The following SLC9B1 variants were observed in gnomAD, a reference collection of about 807,000 sequenced individuals.
The protein encoded by SLC9B1 is sodium/hydrogen exchanger 9B1.
In SLC9B1, 32 loss-of-function variants were observed where a neutral mutation model predicts 51.7. That is an observed-to-expected ratio of 0.62 (90% confidence interval 0.47 to 0.83). The LOEUF (loss-of-function observed/expected upper bound fraction) is 0.83. Ranked by LOEUF, SLC9B1 falls within the 40% of genes least tolerant of loss-of-function variation. The pLI is 0.00. For missense variants in SLC9B1, 406 were observed against 613.2 expected (o/e 0.66, Z 3.57); for synonymous variants, 145 against 212.7 (o/e 0.68, Z 2.77).
At chr4:102,978,465 A>C (rs948771294) in intron 3 of SLC9B1, among the ~76,000 whole-genome samples, 1 of 152,348 alleles carries the variant, frequency 6.6e-6, no homozygotes, top group East Asian at 1.9e-4. Flanking sequence ...AAACAAATTT[A>C]TAAGAAAAAA....
chr4:102,964,396 T>C (rs1288328182), intron 3 of SLC9B1, among the ~76,000 whole-genome samples: 1 of 151,876 alleles, frequency 6.6e-6, no homozygotes, highest in Non-Finnish European at 1.5e-5. Context: ...ACAAAAACTT[T>C]ATTAAGCAAA....
chr4:102,906,407 A>T (rs1735057058), intron 10 of SLC9B1, 129 bp downstream of exon 10: 5 of 512,970 alleles, frequency 9.7e-6, no homozygotes, highest in Non-Finnish European at 1.7e-5. Context: ...AAAATATGAC[A>T]CTGTATCAAC....
chr4:103,009,394 T>C (rs1246877996), intron 1 of SLC9B1, among the ~76,000 whole-genome samples: 2 of 152,216 alleles, frequency 1.3e-5, no homozygotes, highest in Non-Finnish European at 2.9e-5. Context: ...ATGATTTACT[T>C]TGTAGCCCAG....
Position 102,905,526 on chromosome 4 carries a change from T to C in SLC9B1, c.1320A>G (p.Lys440=), listed in dbSNP as rs538800740. ...AATATGTTCTTACCTGTACTGTAGC[T>C]TTGGGCATCCATGCTAAAGCAATAA... is the stretch of plus-strand genomic sequence containing the variant. ...KIFIALAWMP[K]ATVQAVLGPL... The change falls in exon 11 of 12, where the codon AAA becomes AAG. Residue 440 remains lysine, a synonymous_variant. Transcript: ENST00000296422. 8 of 1,610,922 alleles carry C rather than the reference T, an allele frequency of 5.0e-6. No individual in the cohort carries two copies. In the East Asian group the frequency reaches 1.8e-4, roughly 36 times the overall value.
At position 102,948,213 on chromosome 4, in the gene SLC9B1, G is replaced by A. The variant is rs1374994283; in HGVS notation, c.382+1044C>T. ...TTCATCGTACAATCCACTTATTCTAGTTCAGGGTCAAAGGTGACTGAAACT... is the reference window on the plus strand; with the variant it reads ...TTCATCGTACAATCCACTTATTCTAATTCAGGGTCAAAGGTGACTGAAACT... On this transcript the variant is annotated intron_variant, in intron 4 of 11. Coordinates refer to ENST00000296422, the MANE Select transcript of SLC9B1 (RefSeq NM_139173.4). Among the ~76,000 whole-genome samples the A allele has an allele frequency of 2.0e-5, 3 of 151,432 alleles. No individual in the cohort carries two copies. In the East Asian group the frequency reaches 5.8e-4, roughly 29 times the overall value.
chr4:103,002,448 C>T (rs1464952227), intron 1 of SLC9B1, among the ~76,000 whole-genome samples: 1 of 152,098 alleles, frequency 6.6e-6, no homozygotes, highest in Non-Finnish European at 1.5e-5. Flanking sequence ...TTAGAAAATG[C>T]TGTAATAACT....
rs145679513 is a variant in SLC9B1, at chr4:103,010,900, T to C, written c.-2+8699A>G. Among the ~76,000 whole-genome samples, 739 of 152,312 alleles carry C rather than the reference T, an allele frequency of 4.9e-3. 4 individuals carry two copies. Among genetic ancestry groups the C allele is most frequent in the African/African-American group, 0.017 (695 of 41,566 alleles). On this transcript the variant is annotated intron_variant, in intron 1 of 11. Coordinates refer to ENST00000296422, the MANE Select transcript of SLC9B1 (RefSeq NM_139173.4). ...CACAAACATTCAAACCATAGCATTT[T>C]GCCCCTTCCCCCACAACAAATTCAT...
intron 1 of SLC9B1, among the ~76,000 whole-genome samples, chr4:102,996,135 T>C (rs1740203158): frequency 6.6e-6 from 1 of 152,168 alleles, no homozygotes; most frequent in South Asian, 2.1e-4. Context: ...TGAATTTAAA[T>C]TGCATTTCTA....
At chr4:103,002,394 C>T (rs1255174738) in intron 1 of SLC9B1, among the ~76,000 whole-genome samples, 1 of 152,106 alleles carries the variant, frequency 6.6e-6, no homozygotes, top group Non-Finnish European at 1.5e-5. Context: ...GTATTCTGTG[C>T]AAGACACAGA....
At position 102,962,392 on chromosome 4, in the gene SLC9B1, G is replaced by A. The variant is rs553928476; in HGVS notation, c.212-12965C>T. On this transcript the variant is annotated intron_variant, in intron 3 of 11. Transcript: ENST00000296422. Reference sequence around the variant, plus strand: ...AGTGGTTTTTAAATATCTTTGAGCAGAATCTGAGGACCATTATTTTTTAAT... The same window carrying A: ...AGTGGTTTTTAAATATCTTTGAGCAAAATCTGAGGACCATTATTTTTTAAT... 7.1e-4 allele frequency: 379 copies of A among 536,454 alleles called. 5 individuals are homozygous for A. The highest frequency in any genetic ancestry group is 6.6e-3 in the African/African-American group (342 of 52,010). The allele number at this position is 536,454 out of a possible 1,614,324, so 33.2% of individuals were successfully genotyped here. A position where few individuals can be genotyped will look rare whatever the true frequency, so the allele number is the denominator to read the frequency against.
chr4:102,947,480 T>G (rs1737326055), intron 4 of SLC9B1, among the ~76,000 whole-genome samples: 1 of 152,222 alleles, frequency 6.6e-6, no homozygotes, highest in African/African-American at 2.4e-5. Flanking sequence ...GCTCAAGTGA[T>G]CCTCTTGCCT....
At chr4:102,940,836 C>G (rs1481754373) in intron 6 of SLC9B1, among the ~76,000 whole-genome samples, 1 of 152,170 alleles carries the variant, frequency 6.6e-6, no homozygotes, top group African/African-American at 2.4e-5. Context: ...CTATAGCCAT[C>G]TACTCTTCAA....
intron 7 of SLC9B1, among the ~76,000 whole-genome samples, chr4:102,919,519 C>G (rs1443219761): frequency 6.6e-6 from 1 of 152,164 alleles, no homozygotes; most frequent in African/African-American, 2.4e-5. Context: ...TTCTGCACTT[C>G]CAACTGAGGT....
chr4:102,948,329 C>CACAA (rs1553982880), intron 4 of SLC9B1, among the ~76,000 whole-genome samples: 2 of 144,250 alleles, frequency 1.4e-5, no homozygotes, highest in Non-Finnish European at 3.0e-5. Context: ...AAGCCATACA[C>CACAA]ACACACACAC....
At chr4:103,001,208 A>C (rs1367168098) in intron 1 of SLC9B1, among the ~76,000 whole-genome samples, 2 of 152,212 alleles carry the variant, frequency 1.3e-5, no homozygotes, top group East Asian at 1.9e-4. Context: ...CAAAGCAGCA[A>C]GGCCCTGGGC....
intron 3 of SLC9B1, among the ~76,000 whole-genome samples, chr4:102,981,481 A>G (rs1273953109): frequency 6.6e-6 from 1 of 152,150 alleles, no homozygotes; most frequent in Non-Finnish European, 1.5e-5. Context: ...GCAATGAATG[A>G]AAGTTCCTGT....
intron 1 of SLC9B1, among the ~76,000 whole-genome samples, chr4:103,012,016 C>T (rs965005319): frequency 6.6e-6 from 1 of 152,230 alleles, no homozygotes; most frequent in African/African-American, 2.4e-5. Flanking sequence ...TGGCCATATT[C>T]TTGGTATTCT....
At chr4:102,924,375 T>C (rs1736049008) in intron 7 of SLC9B1, among the ~76,000 whole-genome samples, 1 of 152,120 alleles carries the variant, frequency 6.6e-6, no homozygotes, top group South Asian at 2.1e-4. Flanking sequence ...TGAAACTGGA[T>C]CCCTTCCTTA....
intron 3 of SLC9B1, among the ~76,000 whole-genome samples, chr4:102,960,303 AG>A (rs539623690): frequency 1.5e-3 from 232 of 152,188 alleles, no homozygotes; most frequent in Non-Finnish European, 2.7e-3. Flanking sequence ...TAAGAAGGAT[AG>A]GTAAAGGGCA....
Sources: gnomAD v4.1 joint callset for allele counts (sites outside exome capture counted in the v4.1 genomes callset) on GRCh38, gnomAD v4.1.1 for gene constraint, MANE v1.5 for transcripts, NCBI Gene and HGNC (gene_info 2026-07-23, HGNC 2026-07-21) for gene names.